The following PNOC variants were observed in gnomAD, a reference collection of about 807,000 sequenced individuals.
PNOC encodes nociceptin.
Under a neutral mutation model 15.6 loss-of-function variants are expected in PNOC, and 10 were observed. The ratio of observed to expected loss-of-function variants is 0.64; its 90% CI spans 0.40 to 1.09. PNOC has a LOEUF of 1.09. Ranked by LOEUF, PNOC falls within the 50% of genes least tolerant of loss-of-function variation. The probability of loss-of-function intolerance (pLI) is 0.01; values close to 1 mark genes in which losing one functional copy is unlikely to be tolerated. For synonymous variants in PNOC, 98 were observed against 88.5 expected (o/e 1.11, Z -0.60); for missense variants, 220 against 223.9 (o/e 0.98, Z 0.11).
intron 2 of PNOC, among the ~76,000 whole-genome samples, chr8:28,334,813 A>C (rs1380922862): frequency 1.3e-5 from 2 of 152,242 alleles, no homozygotes; most frequent in East Asian, 1.9e-4. Context: ...TTTTTATAGA[A>C]TACTCCAGAA....
At chr8:28,338,840 C>G (rs952323811) in intron 2 of PNOC, 200 bp from the exon 3 acceptor site, 1 of 1,085,122 alleles carries the variant, frequency 9.2e-7, no homozygotes, top group Non-Finnish European at 1.2e-6. Flanking sequence ...AATGATGGAG[C>G]TGGGTCAGAT....
At position 28,337,388 on chromosome 8, in the gene PNOC, C is replaced by T. The variant is rs532140644; in HGVS notation, c.127-1652C>T. Reference sequence around the variant, plus strand: ...CATGATAGCTCACCGCAACCTCCGCCTCCCAGGTTCAAGCAACTCTTTTGC... The same window carrying T: ...CATGATAGCTCACCGCAACCTCCGCTTCCCAGGTTCAAGCAACTCTTTTGC... On this transcript the variant is annotated intron_variant, in intron 2 of 3. Transcript: ENST00000301908. Among the ~76,000 whole-genome samples, 3 of 152,280 alleles carry T rather than the reference C, an allele frequency of 2.0e-5. No homozygotes were observed. The South Asian group carries it at 6.2e-4, about 32-fold the overall frequency.
chr8:28,343,093 C>A lies in PNOC; in HGVS notation c.*199C>A. ...TTCCCGTCTGATTGTTCCTCCCCAG[C>A]CCCCTGGCATGTTTCACCACAACCC... On this transcript the variant is annotated 3_prime_UTR_variant, in exon 4 of 4. Transcript: ENST00000301908. The A allele has an allele frequency of 1.6e-6, 1 of 639,012 alleles. No homozygotes were observed. The highest frequency in any genetic ancestry group is 2.0e-6 in the Non-Finnish European group (1 of 512,710). The allele number at this position is 639,012 out of a possible 1,614,324, so 39.6% of individuals were successfully genotyped here. A position where few individuals can be genotyped will look rare whatever the true frequency, so the allele number is the denominator to read the frequency against.
At chr8:28,340,706 C>G (rs1306396133) in intron 3 of PNOC, among the ~76,000 whole-genome samples, 1 of 152,222 alleles carries the variant, frequency 6.6e-6, no homozygotes, top group Non-Finnish European at 1.5e-5. Context: ...CCCGCATCTG[C>G]TTCTGGTGAG....
intron 2 of PNOC, among the ~76,000 whole-genome samples, chr8:28,337,675 C>T (rs1351188347): frequency 2.6e-5 from 4 of 151,480 alleles, no homozygotes; most frequent in African/African-American, 4.9e-5. Context: ...CTCCGCCTCC[C>T]GGGTTCACGC....
chr8:28,318,279 C>T lies in PNOC; in HGVS notation c.-24+963C>T, dbSNP rs546838620. Among the ~76,000 whole-genome samples the T allele has an allele frequency of 3.3e-5, 5 of 152,242 alleles. No individual in the cohort carries two copies. In the South Asian group the frequency reaches 1.0e-3, roughly 32 times the overall value. On this transcript the variant is annotated intron_variant, in intron 1 of 3. Coordinates refer to ENST00000301908, the MANE Select transcript of PNOC (RefSeq NM_006228.5). ...GAATTTCAAGTAAGGCAGGATGATT[C>T]GGGAAATGGACTATTTAAAGCAAGC...
intron 3 of PNOC, among the ~76,000 whole-genome samples, chr8:28,342,462 T>C (rs1801538353): frequency 6.6e-6 from 1 of 151,988 alleles, no homozygotes; most frequent in South Asian, 2.1e-4. Flanking sequence ...TTGTCACAGC[T>C]GGTCTTAGGG....
In PNOC at chr8:28,342,934, C is replaced by G. The variant is rs1431438393; in HGVS notation, c.*48-8C>G. ...TTTGCCATTTTTTAACCATTTCTGT[C>G]TCCCCAGGCGTCCAGGTGATCCCCC... On this transcript the variant is annotated splice_region_variant and splice_polypyrimidine_tract_variant and intron_variant, in intron 3 of 3. Coordinates refer to ENST00000301908, the MANE Select transcript of PNOC (RefSeq NM_006228.5). The G allele has an allele frequency of 2.2e-5, 22 of 982,050 alleles. No homozygotes were observed. The highest frequency in any genetic ancestry group is 2.7e-5 in the Non-Finnish European group (22 of 826,928). 60.8% of individuals were successfully genotyped at this position (982,050 alleles called of 1,614,324 possible). A position where few individuals can be genotyped will look rare whatever the true frequency, so the allele number is the denominator to read the frequency against.
intron 2 of PNOC, among the ~76,000 whole-genome samples, chr8:28,336,513 C>T (rs2645716): frequency 0.33 from 49,691 of 151,876 alleles, 9,999 homozygotes; most frequent in Non-Finnish European, 0.46. Flanking sequence ...AGGAGCTTTG[C>T]GGTGTTTAAG....
intron 3 of PNOC, 26 bp downstream of exon 3, chr8:28,339,517 G>A (rs1801478773): frequency 6.8e-7 from 1 of 1,462,780 alleles, no homozygotes; most frequent in African/African-American, 1.4e-5. Flanking sequence ...ATAAGCTGGG[G>A]GCAAGGAGAG....
In PNOC at chr8:28,318,245, G is replaced by A. The variant is rs188579115; in HGVS notation, c.-24+929G>A. Among the ~76,000 whole-genome samples, 76 of 152,272 alleles carry A rather than the reference G, an allele frequency of 5.0e-4. No homozygotes were observed. In the Middle Eastern group the frequency reaches 0.01, roughly 20 times the overall value. ...CGAATCTCGCTCTGAACATGGGCAA[G>A]TTCTGGGGGAATTTCAAGTAAGGCA... On this transcript the variant is annotated intron_variant, in intron 1 of 3. Transcript: ENST00000301908.
chr8:28,339,569 A>G, intron 3 of PNOC, 78 bp downstream of exon 3: 1 of 1,167,726 alleles, frequency 8.6e-7, no homozygotes, highest in South Asian at 2.5e-5. Flanking sequence ...CCAGGCCTAG[A>G]AGCACATTCA....
intron 1 of PNOC, among the ~76,000 whole-genome samples, chr8:28,327,313 G>C (rs916704250): frequency 6.6e-6 from 1 of 152,182 alleles, no homozygotes; most frequent in African/African-American, 2.4e-5. Context: ...AGTGAAAACT[G>C]CACACCTTTC....
chr8:28,331,397 C>G (rs140943902), intron 2 of PNOC, among the ~76,000 whole-genome samples: 3 of 152,214 alleles, frequency 2.0e-5, no homozygotes, highest in Non-Finnish European at 4.4e-5. Context: ...TCATTCTCTT[C>G]CTCACTCTGG....
At chr8:28,319,204 G>A (rs1055757732) in intron 1 of PNOC, among the ~76,000 whole-genome samples, 6 of 152,168 alleles carry the variant, frequency 3.9e-5, no homozygotes, top group African/African-American at 1.2e-4. Context: ...GTACATGGCA[G>A]GGTCAGGACT....
chr8:28,328,633 T>C (rs777143324), intron 1 of PNOC, among the ~76,000 whole-genome samples: 12 of 152,176 alleles, frequency 7.9e-5, no homozygotes, highest in Non-Finnish European at 1.6e-4. Context: ...CACAGCACTT[T>C]GCAAAACTCC....
intron 1 of PNOC, among the ~76,000 whole-genome samples, chr8:28,322,990 G>A (rs1456796928): frequency 6.6e-6 from 1 of 152,238 alleles, no homozygotes; most frequent in Non-Finnish European, 1.5e-5. Flanking sequence ...TGATGAAAAG[G>A]ATGGAGGTGT....
intron 1 of PNOC, among the ~76,000 whole-genome samples, chr8:28,324,135 C>A (rs1253796646): frequency 6.6e-6 from 1 of 152,214 alleles, no homozygotes; most frequent in Non-Finnish European, 1.5e-5. Context: ...AACAAGGTCT[C>A]CCTAAGTGCC....
chr8:28,325,971 A>G (rs944594029), intron 1 of PNOC, among the ~76,000 whole-genome samples: 1 of 152,212 alleles, frequency 6.6e-6, no homozygotes, highest in Non-Finnish European at 1.5e-5. Flanking sequence ...CTTGGGATAG[A>G]GAAGAAAAAT....
Sources: gnomAD v4.1 joint callset for allele counts (sites outside exome capture counted in the v4.1 genomes callset) on GRCh38, gnomAD v4.1.1 for gene constraint, MANE v1.5 for transcripts, NCBI Gene and HGNC (gene_info 2026-07-23, HGNC 2026-07-21) for gene names.